Variants in RNF183 observed in about 807,000 individuals in gnomAD.
RNF183 encodes E3 ubiquitin-protein ligase RNF183.
Under a neutral mutation model 9.0 loss-of-function variants are expected in RNF183, and 4 were observed. The observed-to-expected ratio is 0.44, with a 90% CI of 0.22 to 1.01. The LOEUF is 1.01. RNF183 is among the 50% of genes least tolerant of loss of function. The pLI is 0.25. For missense variants in RNF183, 227 were observed against 253.6 expected, an observed-to-expected ratio of 0.89 and a Z score of 0.71; for synonymous variants, 102 against 107.5, an observed-to-expected ratio of 0.95 and a Z score of 0.32.
At position 113,298,034 on chromosome 9, in the gene RNF183, G is replaced by A. The variant is rs778064706; in HGVS notation, c.151C>T (p.Arg51Trp). The A allele has an allele frequency of 2.4e-5, 39 of 1,613,892 alleles. No individual in the cohort carries two copies. The highest frequency in any genetic ancestry group is 6.7e-5 in the East Asian group (3 of 44,862). Residue 51 changes from arginine (R) to tryptophan (W), a missense_variant, in exon 5 of 5, where the codon CGG becomes TGG. By Grantham distance (101) the Arg-to-Trp change is moderately radical. Coordinates refer to ENST00000489339, the MANE Select transcript of RNF183 (RefSeq NM_001371237.1). This position sits in a 1 kb window ranked among gnomAD's most constrained non-coding sequence, Gnocchi z 4.9. ...LAHLSLVTPA[R>W]RRLLCPLCRQ... ...CAGAGTGGGCACAGCAGGCGGCGCC[G>A]GGCTGGAGTCACAAGGCTGAGGTGG...
rs1033813044 is a variant in RNF183 at position 113,298,475 on chromosome 9, A to T, written c.-37-254T>A. The stretch of plus-strand genomic sequence containing the variant: ...CCCAAGAGAGCCGGCATTGGAGCAG[A>T]TGTCGCCCTGGGCTTTGGAGCTGGA... On this transcript the variant is annotated intron_variant, in intron 4 of 4. Coordinates refer to ENST00000489339, the MANE Select transcript of RNF183 (RefSeq NM_001371237.1). The surrounding 1 kb of genome is among the most constrained non-coding windows in gnomAD (Gnocchi z 4.9). 1 of 456,310 alleles carries T rather than the reference A, an allele frequency of 2.2e-6. No individual in the cohort carries two copies. Among genetic ancestry groups the T allele is most frequent in the African/African-American group, 2.0e-5 (1 of 50,300 alleles). 28.3% of individuals were successfully genotyped at this position (456,310 alleles called of 1,614,324 possible).
intron 2 of RNF183, 178 bp downstream of exon 2, chr9:113,302,017 G>GA (rs1303159712): frequency 6.7e-6 from 1 of 150,054 alleles, no homozygotes; most frequent in Non-Finnish European, 1.5e-5. Flanking sequence ...GTGTGCAATG[G>GA]AAAAAATGTC....
chr9:113,300,744 C>A (rs936583016), intron 3 of RNF183, among the ~76,000 whole-genome samples: 1 of 152,064 alleles, frequency 6.6e-6, no homozygotes, highest in African/African-American at 2.4e-5. Flanking sequence ...GTATAGTACT[C>A]GGGACCTGTG....
Position 113,298,661 on chromosome 9 carries a change from G to T in RNF183, c.-37-440C>A. 1 of 160,716 alleles carries T rather than the reference G, an allele frequency of 6.2e-6. No homozygotes were observed. The highest frequency in any genetic ancestry group is 6.1e-5 in the Admixed American group (1 of 16,430). The allele number at this position is 160,716 out of a possible 1,614,324, so 10.0% of individuals were successfully genotyped here. On this transcript the variant is annotated intron_variant, in intron 4 of 4. Transcript: ENST00000489339. This position sits in a 1 kb window ranked among gnomAD's most constrained non-coding sequence, Gnocchi z 4.9. ...CAGAGATGGGTTTTGTGAATTCCCTGGTCTGTCCCTCCTATGGGGACAAAT... is the reference window on the plus strand; with the variant it reads ...CAGAGATGGGTTTTGTGAATTCCCTTGTCTGTCCCTCCTATGGGGACAAAT...
At position 113,299,620 on chromosome 9, in the gene RNF183, A is replaced by C; in HGVS notation, c.-86T>G. 6.6e-6 allele frequency: 1 copy of C among 152,186 alleles called. No homozygotes were observed. The highest frequency in any genetic ancestry group is 1.5e-5 in the Non-Finnish European group (1 of 68,040). The allele number at this position is 152,186 out of a possible 1,614,324, so 9.4% of individuals were successfully genotyped here. A position where few individuals can be genotyped will look rare whatever the true frequency, so the allele number is the denominator to read the frequency against. ...TAGCACACAGCTGGTCAGCCTTCTG[A>C]GATCTTAGAGCTGGCCATCCCACCA... On this transcript the variant is annotated 5_prime_UTR_variant, in exon 4 of 5. Transcript: ENST00000489339.
chr9:113,300,343 T>C (rs1399237954), intron 3 of RNF183, among the ~76,000 whole-genome samples: 2 of 152,220 alleles, frequency 1.3e-5, no homozygotes, highest in Non-Finnish European at 2.9e-5. Flanking sequence ...GCCCAGGTGC[T>C]GTGCAAGGTA....
chr9:113,297,983 C>T lies in RNF183; in HGVS notation c.202G>A (p.Gly68Arg), dbSNP rs1564272252. The T allele has an allele frequency of 6.2e-7, 1 of 1,613,964 alleles. No homozygotes were observed. Among genetic ancestry groups the T allele is most frequent in the Non-Finnish European group, 8.5e-7 (1 of 1,179,984 alleles). ...LCRQPTVLAS[G>R]QPVTDLPTDT... Reference sequence around the variant, plus strand: ...GTGGGCAAGTCAGTGACAGGCTGCCCTGAGGCCAGCACTGTGGGCTGGCGA... The same window carrying T: ...GTGGGCAAGTCAGTGACAGGCTGCCTTGAGGCCAGCACTGTGGGCTGGCGA... The change falls in exon 5 of 5, where the codon GGG becomes AGG. Residue 68 changes from glycine (G) to arginine (R), a missense_variant. Coordinates refer to ENST00000489339, the MANE Select transcript of RNF183 (RefSeq NM_001371237.1).
Position 113,298,479 on chromosome 9 carries a change from C to T in RNF183, c.-37-258G>A, listed in dbSNP as rs1439229145. The T allele has an allele frequency of 9.2e-6, 4 of 434,970 alleles. No individual in the cohort carries two copies. The highest frequency in any genetic ancestry group is 4.0e-5 in the Admixed American group (1 of 24,770). 26.9% of individuals were successfully genotyped at this position (434,970 alleles called of 1,614,324 possible). Reference sequence around the variant, plus strand: ...AGAGAGCCGGCATTGGAGCAGATGTCGCCCTGGGCTTTGGAGCTGGACGCA... The same window carrying T: ...AGAGAGCCGGCATTGGAGCAGATGTTGCCCTGGGCTTTGGAGCTGGACGCA... On this transcript the variant is annotated intron_variant, in intron 4 of 4. Transcript: ENST00000489339. This position sits in a 1 kb window ranked among gnomAD's most constrained non-coding sequence, Gnocchi z 4.9.
intron 3 of RNF183, 32 bp downstream of exon 3, chr9:113,301,640 G>C (rs1832921792): frequency 6.6e-6 from 1 of 152,222 alleles, no homozygotes; most frequent in African/African-American, 2.4e-5. Flanking sequence ...CTGAATCCCA[G>C]AGTGTGTTAG....
At position 113,298,017 on chromosome 9, in the gene RNF183, G is replaced by A; in HGVS notation, c.168C>T (p.Cys56=). 1 of 1,614,078 alleles carries A rather than the reference G, an allele frequency of 6.2e-7. No individual in the cohort carries two copies. Among genetic ancestry groups the A allele is most frequent in the Non-Finnish European group, 8.5e-7 (1 of 1,180,032 alleles). Residue 56 remains cysteine, a synonymous_variant, in exon 5 of 5, where the codon TGC becomes TGT. Coordinates refer to ENST00000489339, the MANE Select transcript of RNF183 (RefSeq NM_001371237.1). This position sits in a 1 kb window ranked among gnomAD's most constrained non-coding sequence, Gnocchi z 4.9. ...LVTPARRRLL[C]PLCRQPTVLA... ...GCACTGTGGGCTGGCGACAGAGTGG[G>A]CACAGCAGGCGGCGCCGGGCTGGAG...
In RNF183 at chr9:113,299,561, C is replaced by G. The variant is rs1419591718; in HGVS notation, c.-38+11G>C. 1 of 152,162 alleles carries G rather than the reference C, an allele frequency of 6.6e-6. No homozygotes were observed. The highest frequency in any genetic ancestry group is 1.5e-5 in the Non-Finnish European group (1 of 68,066). The allele number at this position is 152,162 out of a possible 1,614,324, so 9.4% of individuals were successfully genotyped here. On this transcript the variant is annotated intron_variant, in intron 4 of 4. Coordinates refer to ENST00000489339, the MANE Select transcript of RNF183 (RefSeq NM_001371237.1). ...AATGTGCCTAAGTAACTGCAATCAG[C>G]GTGTACAAACCTCGCTGCCTTCTGC...
chr9:113,297,595 G>A lies in RNF183; in HGVS notation c.*11C>T. The A allele has an allele frequency of 6.4e-7, 1 of 1,550,938 alleles. No individual in the cohort carries two copies. The highest frequency in any genetic ancestry group is 8.7e-7 in the Non-Finnish European group (1 of 1,145,822). ...CCGAAAAAGGTTTGGTTTCTTGTCT[G>A]GGAACAGCACTCACCCCACACCCCA... On this transcript the variant is annotated 3_prime_UTR_variant, in exon 5 of 5. Transcript: ENST00000489339.
At chr9:113,302,144 C>G (rs966457589) in intron 2 of RNF183, 51 bp downstream of exon 2, 13 of 149,020 alleles carry the variant, frequency 8.7e-5, no homozygotes, top group African/African-American at 3.2e-4. Context: ...ATCCAGTAAG[C>G]TTGTATTACT....
rs1470057499 is a variant in RNF183, at chr9:113,298,566, A to G, written c.-37-345T>C. 1 of 224,172 alleles carries G rather than the reference A, an allele frequency of 4.5e-6. No individual in the cohort carries two copies. The highest frequency in any genetic ancestry group is 8.7e-6 in the Non-Finnish European group (1 of 114,308). The allele number at this position is 224,172 out of a possible 1,614,324, so 13.9% of individuals were successfully genotyped here. On this transcript the variant is annotated intron_variant, in intron 4 of 4. Transcript: ENST00000489339. The surrounding 1 kb of genome is among the most constrained non-coding windows in gnomAD (Gnocchi z 4.9). ...CCCTGAATCCAGGGAGCTGGGGGTAAGCTGCAGTCTGCGGGTTTTGCTACA... is the reference window on the plus strand; with the variant it reads ...CCCTGAATCCAGGGAGCTGGGGGTAGGCTGCAGTCTGCGGGTTTTGCTACA...
Position 113,297,725 on chromosome 9 carries a change from A to G in RNF183, c.460T>C (p.Cys154Arg), listed in dbSNP as rs1428335393. ...ATGCGGAACTGAGGGTTGCGGAAAC[A>G]CTCCCTCAAAGAGTGGTGGCTGGGG... is the stretch of plus-strand genomic sequence containing the variant. ...LIPSHHSLRE[C>R]FRNPQFRIFA... Residue 154 changes from cysteine to arginine, a missense_variant, in exon 5 of 5, where the codon TGT becomes CGT. By Grantham distance (180) the Cys-to-Arg change is radical. Coordinates refer to ENST00000489339, the MANE Select transcript of RNF183 (RefSeq NM_001371237.1). 8.1e-6 allele frequency: 13 copies of G among 1,613,470 alleles called. No homozygotes were observed. Among genetic ancestry groups the G allele is most frequent in the Non-Finnish European group, 1.1e-5 (13 of 1,179,902 alleles).
rs1044268247 is a variant in RNF183 at position 113,298,541 on chromosome 9, C to T, written c.-37-320G>A. On this transcript the variant is annotated intron_variant, in intron 4 of 4. Transcript: ENST00000489339. The surrounding 1 kb of genome is among the most constrained non-coding windows in gnomAD (Gnocchi z 4.9). Reference sequence around the variant, plus strand: ...TGGTCATTGTCTGTGCCCTTGGCTGCCCTGAATCCAGGGAGCTGGGGGTAA... The same window carrying T: ...TGGTCATTGTCTGTGCCCTTGGCTGTCCTGAATCCAGGGAGCTGGGGGTAA... The T allele has an allele frequency of 3.9e-6, 1 of 254,896 alleles. No individual in the cohort carries two copies. Among genetic ancestry groups the T allele is most frequent in the Non-Finnish European group, 7.5e-6 (1 of 133,626 alleles). 15.8% of individuals were successfully genotyped at this position (254,896 alleles called of 1,614,324 possible). A position where few individuals can be genotyped will look rare whatever the true frequency, so the allele number is the denominator to read the frequency against.
chr9:113,300,808 C>T (rs1351684653), intron 3 of RNF183, among the ~76,000 whole-genome samples: 1 of 152,058 alleles, frequency 6.6e-6, no homozygotes, highest in Non-Finnish European at 1.5e-5. Flanking sequence ...GGGTAAGGTA[C>T]CTGATCCTAT....
In RNF183 at chr9:113,297,699, G is replaced by A. The variant is rs768764532; in HGVS notation, c.486C>T (p.Ile162=). 15 of 1,614,024 alleles carry A rather than the reference G, an allele frequency of 9.3e-6. No homozygotes were observed. The East Asian group carries it at 2.5e-4, about 26-fold the overall frequency. Reference sequence around the variant, plus strand: ...GGATGACGGCCATCAGGTAGGCAAAGATGCGGAACTGAGGGTTGCGGAAAC... The same window carrying A: ...GGATGACGGCCATCAGGTAGGCAAAAATGCGGAACTGAGGGTTGCGGAAAC... The part of the protein sequence containing the change: ...RECFRNPQFR[I]FAYLMAVILS... Residue 162 remains isoleucine (I), a synonymous_variant, in exon 5 of 5, where the codon ATC becomes ATT. Transcript: ENST00000489339.
In RNF183 at chr9:113,297,996, T is replaced by C. The variant is rs752890213; in HGVS notation, c.189A>G (p.Thr63=). 1 of 1,613,876 alleles carries C rather than the reference T, an allele frequency of 6.2e-7. No homozygotes were observed. Among genetic ancestry groups the C allele is most frequent in the Non-Finnish European group, 8.5e-7 (1 of 1,179,968 alleles). Residue 63 remains threonine (T), a synonymous_variant, in exon 5 of 5, where the codon ACA becomes ACG. Coordinates refer to ENST00000489339, the MANE Select transcript of RNF183 (RefSeq NM_001371237.1). ...TGACAGGCTGCCCTGAGGCCAGCAC[T>C]GTGGGCTGGCGACAGAGTGGGCACA... is the stretch of plus-strand genomic sequence containing the variant. ...RLLCPLCRQP[T]VLASGQPVTD... is the part of the protein sequence containing the mutation.
Sources: gnomAD v4.1 joint callset for allele counts (sites outside exome capture counted in the v4.1 genomes callset) on GRCh38, gnomAD v4.1.1 for gene constraint, Gnocchi (gnomAD v3.1) non-coding constraint, MANE v1.5 for transcripts, NCBI Gene and HGNC (gene_info 2026-07-23, HGNC 2026-07-21) for gene names.